The following PTPRN2 variants were observed in gnomAD, a reference collection of about 807,000 sequenced individuals.
PTPRN2 encodes receptor-type tyrosine-protein phosphatase N2.
A neutral mutation model predicts 118.8 loss-of-function variants in PTPRN2; 74 were observed. The observed-to-expected ratio is 0.62, with a 90% CI of 0.52 to 0.76. The LOEUF (loss-of-function observed/expected upper bound fraction) is 0.76, where lower values mean the gene tolerates loss of function less well. Ranked by LOEUF, PTPRN2 falls within the 30% of genes least tolerant of loss-of-function variation. The pLI, the probability that PTPRN2 is intolerant of heterozygous loss-of-function variation, is 0.00. For synonymous variants in PTPRN2, 641 were observed against 608.0 expected, an observed-to-expected ratio of 1.05 and a Z score of -0.80; for missense variants, 1,481 against 1,394.4, an observed-to-expected ratio of 1.06 and a Z score of -0.99.
chr7:158,415,458 GA>G (rs1814579419), intron 2 of PTPRN2, among the ~76,000 whole-genome samples: 1 of 152,128 alleles, frequency 6.6e-6, no homozygotes, highest in Non-Finnish European at 1.5e-5. Context: ...CTGGGACCCT[GA>G]AAATGCAGGT....
intron 12 of PTPRN2, among the ~76,000 whole-genome samples, chr7:157,830,923 C>A (rs1807521832): frequency 6.6e-6 from 1 of 152,194 alleles, no homozygotes; most frequent in African/African-American, 2.4e-5. Context: ...GGGGATGATG[C>A]AGACACTCCC....
At chr7:157,934,121 G>A (rs779241089) in intron 11 of PTPRN2, among the ~76,000 whole-genome samples, 3 of 152,218 alleles carry the variant, frequency 2.0e-5, no homozygotes, top group Admixed American at 6.5e-5. Flanking sequence ...TCAAGGGCAC[G>A]TGTGCGGATC....
chr7:158,470,488 C>A (rs1464901078), intron 2 of PTPRN2, among the ~76,000 whole-genome samples: 1 of 152,218 alleles, frequency 6.6e-6, no homozygotes, highest in East Asian at 1.9e-4. Context: ...ATGCTGGGAA[C>A]AACCTGTGTG....
In PTPRN2 at chr7:157,826,650, A is replaced by C. The variant is rs531860030; in HGVS notation, c.1788+72023T>G. Among the ~76,000 whole-genome samples the C allele has an allele frequency of 2.6e-4, 39 of 152,318 alleles. No individual in the cohort carries two copies. The South Asian group carries it at 8.1e-3, about 32-fold the overall frequency. ...GTATTTCACCCTCACGCCAGGCAAC[A>C]AGGTGGGCATTACTCTTCCCAGTTC... On this transcript the variant is annotated intron_variant, in intron 12 of 22. Coordinates refer to ENST00000389418, the MANE Select transcript of PTPRN2 (RefSeq NM_002847.5).
intron 11 of PTPRN2, among the ~76,000 whole-genome samples, chr7:157,924,081 C>T (rs1391194075): frequency 5.3e-5 from 8 of 152,168 alleles, no homozygotes; most frequent in East Asian, 3.9e-4. Flanking sequence ...TTGTGTGTCA[C>T]GCTGGGGAGC....
chr7:158,190,113 A>G (rs1384903389), intron 5 of PTPRN2, among the ~76,000 whole-genome samples: 1 of 152,222 alleles, frequency 6.6e-6, no homozygotes, highest in Non-Finnish European at 1.5e-5. Context: ...AACGATAGTT[A>G]CGGTTACAGC....
chr7:158,040,282 G>A (rs1808355696), intron 11 of PTPRN2, among the ~76,000 whole-genome samples: 1 of 151,904 alleles, frequency 6.6e-6, no homozygotes, highest in Non-Finnish European at 1.5e-5. Flanking sequence ...ACACCAAGAA[G>A]GGTAAATACA....
intron 11 of PTPRN2, among the ~76,000 whole-genome samples, chr7:157,992,892 G>C (rs1052313800): frequency 6.6e-6 from 1 of 152,282 alleles, no homozygotes; most frequent in Non-Finnish European, 1.5e-5. Flanking sequence ...GCCCACGCAG[G>C]CCCCTTGAAG....
In PTPRN2 at chr7:157,578,125, C is replaced by T. The variant is rs377396372; in HGVS notation, c.2512G>A (p.Gly838Ser). 36 of 1,611,782 alleles carry T rather than the reference C, an allele frequency of 2.2e-5. No individual in the cohort carries two copies. The highest frequency in any genetic ancestry group is 1.6e-4 in the Middle Eastern group (1 of 6,074). The change falls in exon 18 of 23, where the codon GGC becomes AGC. Residue 838 changes from glycine to serine, a missense_variant. Physicochemically the swap from Gly to Ser is moderately conservative, Grantham distance 56. Transcript: ENST00000389418. Reference sequence around the variant, plus strand: ...GTCAGCATGACGATCACCACGCAGCCGCTCTCCCACACCATCTGCGGACAA... The same window carrying T: ...GTCAGCATGACGATCACCACGCAGCTGCTCTCCCACACCATCTGCGGACAA... ...ADFWQMVWES[G>S]CVVIVMLTPL...
chr7:157,746,036 A>C lies in PTPRN2; in HGVS notation c.1789-63099T>G, dbSNP rs148097464. Among the ~76,000 whole-genome samples the C allele has an allele frequency of 6.2e-3, 776 of 125,018 alleles. 7 individuals carry two copies. Among genetic ancestry groups the C allele is most frequent in the African/African-American group, 0.023 (737 of 31,998 alleles). The allele number at this position is 125,018 out of a possible 152,430, so 82.0% of individuals were successfully genotyped here. A position where few individuals can be genotyped will look rare whatever the true frequency, so the allele number is the denominator to read the frequency against. Reference sequence around the variant, plus strand: ...GGACTCCCTGCACCCCACAGTCCTCACAGGGCCCTGAGTGTGGAGATCACA... The same window carrying C: ...GGACTCCCTGCACCCCACAGTCCTCCCAGGGCCCTGAGTGTGGAGATCACA... On this transcript the variant is annotated intron_variant, in intron 12 of 22. Coordinates refer to ENST00000389418, the MANE Select transcript of PTPRN2 (RefSeq NM_002847.5).
At chr7:158,515,839 G>A (rs1259696559) in intron 1 of PTPRN2, among the ~76,000 whole-genome samples, 2 of 152,072 alleles carry the variant, frequency 1.3e-5, no homozygotes, top group Admixed American at 6.6e-5. Context: ...CTGTCTGGTC[G>A]TCTCTCCACA....
In PTPRN2 at chr7:157,589,604, C is replaced by T. The variant is rs114378085; in HGVS notation, c.2496+5634G>A. ...CTTGTTGACAGCAACCAGAGCTCAACGCCTGGGGGTGTCAACGGATGGGTA... is the reference window on the plus strand; with the variant it reads ...CTTGTTGACAGCAACCAGAGCTCAATGCCTGGGGGTGTCAACGGATGGGTA... On this transcript the variant is annotated intron_variant, in intron 17 of 22. Coordinates refer to ENST00000389418, the MANE Select transcript of PTPRN2 (RefSeq NM_002847.5). 2.4e-3 allele frequency among the ~76,000 whole-genome samples: 368 copies of T among 152,294 alleles called. 1 individual carries two copies. Among genetic ancestry groups the T allele is most frequent in the African/African-American group, 8.6e-3 (359 of 41,558 alleles).
intron 6 of PTPRN2, among the ~76,000 whole-genome samples, chr7:158,147,760 C>T: frequency 7.5e-6 from 1 of 133,692 alleles, no homozygotes; most frequent in Non-Finnish European, 1.6e-5. Context: ...CAATGACACC[C>T]CACCTCACGC....
chr7:158,432,345 G>T (rs1006245442), intron 2 of PTPRN2, among the ~76,000 whole-genome samples: 2 of 152,214 alleles, frequency 1.3e-5, no homozygotes, highest in African/African-American at 4.8e-5. Flanking sequence ...TCTCAAGCTA[G>T]GGCTGACTAC....
At position 158,368,164 on chromosome 7, in the gene PTPRN2, G is replaced by A. The variant is rs146553714; in HGVS notation, c.164-51232C>T. On this transcript the variant is annotated intron_variant, in intron 2 of 22. Coordinates refer to ENST00000389418, the MANE Select transcript of PTPRN2 (RefSeq NM_002847.5). Reference sequence around the variant, plus strand: ...GTCCTGTAATTCCATAACTTCAACAGGGCAAACGTTTACAGTACAGGTTGA... The same window carrying A: ...GTCCTGTAATTCCATAACTTCAACAAGGCAAACGTTTACAGTACAGGTTGA... 8.5e-5 allele frequency among the ~76,000 whole-genome samples: 13 copies of A among 152,248 alleles called. No homozygotes were observed. In the East Asian group the frequency reaches 2.3e-3, roughly 27 times the overall value.
At chr7:157,913,878 A>G (rs1798230363) in intron 11 of PTPRN2, among the ~76,000 whole-genome samples, 1 of 152,190 alleles carries the variant, frequency 6.6e-6, no homozygotes, top group African/African-American at 2.4e-5. Flanking sequence ...TGTTTTGTGT[A>G]TGAGTGCATG....
intron 2 of PTPRN2, among the ~76,000 whole-genome samples, chr7:158,452,206 T>TC (rs36041341): frequency 0.52 from 79,587 of 151,956 alleles, 21,103 homozygotes; most frequent in Non-Finnish European, 0.55. Flanking sequence ...ACACACAACT[T>TC]TCTTTTTCAT....
At chr7:158,329,599 T>C (rs1026563968) in intron 2 of PTPRN2, among the ~76,000 whole-genome samples, 1 of 152,204 alleles carries the variant, frequency 6.6e-6, no homozygotes, top group African/African-American at 2.4e-5. Context: ...GGCGGTGACC[T>C]TGGCTTCCAG....
chr7:158,153,500 A>G (rs1821399332), intron 6 of PTPRN2, among the ~76,000 whole-genome samples: 1 of 152,140 alleles, frequency 6.6e-6, no homozygotes, highest in Non-Finnish European at 1.5e-5. Flanking sequence ...GTCTGAGCCC[A>G]CAGCCCACCC....
Sources: gnomAD v4.1 joint callset for allele counts (sites outside exome capture counted in the v4.1 genomes callset) on GRCh38, gnomAD v4.1.1 for gene constraint, MANE v1.5 for transcripts, NCBI Gene and HGNC (gene_info 2026-07-23, HGNC 2026-07-21) for gene names.